Variants in GPBP1 observed in about 807,000 individuals in gnomAD.
GPBP1 encodes the protein GC-rich promoter binding protein 1.
A neutral mutation model predicts 56.5 loss-of-function variants in GPBP1; 13 were observed. The observed-to-expected ratio is 0.23, with a 90% CI of 0.15 to 0.37. GPBP1 has a LOEUF of 0.37. Ranked by LOEUF, GPBP1 falls within the 10% of genes least tolerant of loss-of-function variation. The pLI is 1.00. For missense variants in GPBP1, 477 were observed against 572.3 expected, an observed-to-expected ratio of 0.83 and a Z score of 1.70; for synonymous variants, 204 against 188.9, an observed-to-expected ratio of 1.08 and a Z score of -0.66.
chr5:57,187,777 C>CA (rs1754354541), intron 2 of GPBP1, among the ~76,000 whole-genome samples: 2 of 151,820 alleles, frequency 1.3e-5, no homozygotes, highest in Admixed American at 6.6e-5. Context: ...TGGCTGGTCA[C>CA]AGGTGATAGT....
intron 2 of GPBP1, among the ~76,000 whole-genome samples, chr5:57,200,948 G>A (rs1754994018): frequency 6.6e-6 from 1 of 152,152 alleles, no homozygotes; most frequent in African/African-American, 2.4e-5. Context: ...AGAGTGCTGG[G>A]ATTACAGGTG....
chr5:57,188,787 ACT>A (rs1403108265), intron 2 of GPBP1, among the ~76,000 whole-genome samples: 3 of 151,640 alleles, frequency 2.0e-5, no homozygotes, highest in Non-Finnish European at 2.9e-5. Flanking sequence ...CTAGCCCCAT[ACT>A]CTCTCTATTC....
intron 2 of GPBP1, among the ~76,000 whole-genome samples, chr5:57,185,082 T>A (rs1467567976): frequency 6.6e-6 from 1 of 152,180 alleles, no homozygotes; most frequent in Admixed American, 6.5e-5. Context: ...ATAAAGTGAA[T>A]AGGAACACTT....
chr5:57,229,230 C>CAAAAAAAAAAAA lies in GPBP1; in HGVS notation c.64-1590_64-1579dup, dbSNP rs543005934. On this transcript the variant is annotated intron_variant, in intron 3 of 11. Coordinates refer to ENST00000506184, the MANE Select transcript of GPBP1 (RefSeq NM_022913.4). Reference sequence around the variant, plus strand: ...TGGGCGACAGAACAAGACTCCATCTCAAAAAAAAAAAAAAAAAAAAAAAAA... The same window carrying CAAAAAAAAAAAA: ...TGGGCGACAGAACAAGACTCCATCTCAAAAAAAAAAAAAAAAAAAAAAAAAAAAAAAAAAAAA... 5.0e-4 allele frequency among the ~76,000 whole-genome samples: 39 copies of CAAAAAAAAAAAA among 77,410 alleles called. 9 individuals are homozygous for CAAAAAAAAAAAA. The highest frequency in any genetic ancestry group is 7.6e-4 in the African/African-American group (15 of 19,866). 50.8% of individuals were successfully genotyped at this position (77,410 alleles called of 152,430 possible).
intron 10 of GPBP1, among the ~76,000 whole-genome samples, chr5:57,256,285 C>T (rs1351027638): frequency 6.6e-6 from 1 of 151,456 alleles, no homozygotes; most frequent in East Asian, 1.9e-4. Context: ...ACAAAAACAT[C>T]CTAAATTGGA....
At chr5:57,228,828 G>A (rs1211658431) in intron 3 of GPBP1, among the ~76,000 whole-genome samples, 1 of 150,570 alleles carries the variant, frequency 6.6e-6, no homozygotes, top group Non-Finnish European at 1.5e-5. Context: ...TAACCATAAA[G>A]ACTTAAAAGA....
At chr5:57,214,034 A>C in intron 2 of GPBP1, 40 bp from the exon 3 acceptor site, 1 of 917,196 alleles carries the variant, frequency 1.1e-6, no homozygotes, top group Non-Finnish European at 1.8e-6. Flanking sequence ...ATTTTTGGCC[A>C]GGAGCTGCAG....
chr5:57,219,400 AAAAC>A (rs1561348273), intron 3 of GPBP1, among the ~76,000 whole-genome samples: 1 of 60,072 alleles, frequency 1.7e-5, no homozygotes, highest in Non-Finnish European at 2.6e-5. Context: ...AAAAAAAAAA[AAAAC>A]CAAAAACAAA....
At chr5:57,261,595 A>G (rs1222918901) in intron 11 of GPBP1, among the ~76,000 whole-genome samples, 3 of 152,288 alleles carry the variant, frequency 2.0e-5, no homozygotes, top group Middle Eastern at 3.4e-3. Flanking sequence ...TGGGTGTGCA[A>G]TAGTTAGGAA....
intron 2 of GPBP1, among the ~76,000 whole-genome samples, chr5:57,182,141 T>A (rs551000786): frequency 1.3e-5 from 2 of 152,182 alleles, no homozygotes; most frequent in South Asian, 4.1e-4. Flanking sequence ...TGGAGTGCAG[T>A]GGCATGATCT....
intron 6 of GPBP1, among the ~76,000 whole-genome samples, chr5:57,241,661 AGTT>A (rs1279677099): frequency 1.3e-5 from 2 of 152,238 alleles, no homozygotes; most frequent in Non-Finnish European, 2.9e-5. Context: ...ATTTGCCTTC[AGTT>A]GTTCTGAAAT....
At chr5:57,250,822 G>A (rs1741349089) in intron 9 of GPBP1, 132 bp from the exon 10 acceptor site, 8 of 621,986 alleles carry the variant, frequency 1.3e-5, no homozygotes, top group African/African-American at 1.9e-5. Flanking sequence ...TGGGATTACA[G>A]GGGTGAGCCA....
At chr5:57,183,457 T>A (rs1403486877) in intron 2 of GPBP1, among the ~76,000 whole-genome samples, 1 of 152,182 alleles carries the variant, frequency 6.6e-6, no homozygotes, top group African/African-American at 2.4e-5. Context: ...GCTTGGCTTG[T>A]GGCTCACGCC....
At chr5:57,255,191 C>G (rs912985649) in intron 10 of GPBP1, among the ~76,000 whole-genome samples, 3 of 149,332 alleles carry the variant, frequency 2.0e-5, no homozygotes, top group Non-Finnish European at 4.5e-5. Flanking sequence ...CGTCCTCTCT[C>G]TCTTCTCTCC....
intron 5 of GPBP1, among the ~76,000 whole-genome samples, chr5:57,232,039 A>AT (rs1756483256): frequency 6.6e-6 from 1 of 152,026 alleles, no homozygotes; most frequent in African/African-American, 2.4e-5. Flanking sequence ...TGGTGGTGGA[A>AT]TTGAGACAGG....
intron 3 of GPBP1, among the ~76,000 whole-genome samples, chr5:57,218,081 AC>A (rs1388495799): frequency 6.6e-6 from 1 of 151,978 alleles, no homozygotes; most frequent in Non-Finnish European, 1.5e-5. Context: ...AAACAAAAAA[AC>A]CCCACTTTTT....
chr5:57,204,339 T>A (rs1755142552), intron 2 of GPBP1, among the ~76,000 whole-genome samples: 3 of 152,134 alleles, frequency 2.0e-5, no homozygotes, highest in African/African-American at 7.2e-5. Flanking sequence ...AACCTCCACC[T>A]CCCAGGCCCA....
intron 7 of GPBP1, among the ~76,000 whole-genome samples, 181 bp from the exon 8 acceptor site, chr5:57,246,894 T>C (rs1741114935): frequency 6.6e-6 from 1 of 152,198 alleles, no homozygotes; most frequent in Non-Finnish European, 1.5e-5. Context: ...TGTTCAGTTT[T>C]TATTTTATTT....
chr5:57,240,001 C>T (rs1740747446), intron 6 of GPBP1, among the ~76,000 whole-genome samples: 1 of 152,166 alleles, frequency 6.6e-6, no homozygotes, highest in Admixed American at 6.6e-5. Flanking sequence ...TGGCTCATGC[C>T]TGTAATCCCA....
Sources: allele counts gnomAD v4.1 joint callset (sites outside exome capture counted in the v4.1 genomes callset), GRCh38; gene constraint gnomAD v4.1.1; transcripts MANE v1.5; gene names NCBI Gene and HGNC (gene_info 2026-07-23, HGNC 2026-07-21).